PTK2: variants seen among roughly 807,000 people sequenced by gnomAD.
The protein encoded by PTK2 is focal adhesion kinase 1.
Under a neutral mutation model 150.1 loss-of-function variants are expected in PTK2, and 45 were observed. That is an observed-to-expected ratio of 0.30 (90% CI 0.24 to 0.38). The LOEUF is 0.38. PTK2 is among the 10% of genes least tolerant of loss of function. The probability of loss-of-function intolerance (pLI) is 1.00; values close to 1 mark genes in which losing one functional copy is unlikely to be tolerated. For missense variants in PTK2, 919 were observed against 1,307.3 expected, an observed-to-expected ratio of 0.70 and a Z score of 4.58; for synonymous variants, 432 against 449.2, an observed-to-expected ratio of 0.96 and a Z score of 0.48.
chr8:140,732,206 T>C (rs1201528269), intron 22 of PTK2, among the ~76,000 whole-genome samples: 1 of 152,222 alleles, frequency 6.6e-6, no homozygotes, highest in African/African-American at 2.4e-5. Flanking sequence ...TTATATTATA[T>C]AGTGACATTT....
chr8:140,901,548 T>C (rs999294305), intron 2 of PTK2, among the ~76,000 whole-genome samples: 8 of 151,958 alleles, frequency 5.3e-5, no homozygotes, highest in African/African-American at 7.2e-5. Flanking sequence ...ATAACCAGAA[T>C]CTATAAAGAG....
intron 5 of PTK2, among the ~76,000 whole-genome samples, chr8:140,860,058 C>G (rs527503570): frequency 1.3e-5 from 2 of 152,016 alleles, no homozygotes; most frequent in Non-Finnish European, 2.9e-5. Context: ...CCCACATAAA[C>G]GAAAATTATA....
intron 1 of PTK2, among the ~76,000 whole-genome samples, chr8:140,959,517 C>T (rs1260174478): frequency 8.9e-5 from 12 of 134,082 alleles, no homozygotes; most frequent in African/African-American, 3.1e-4. Context: ...CCAGCCTGGG[C>T]GACACAGCAA....
chr8:140,865,794 C>G (rs1335125634), intron 4 of PTK2, among the ~76,000 whole-genome samples: 4 of 152,080 alleles, frequency 2.6e-5, no homozygotes, highest in Non-Finnish European at 5.9e-5. Flanking sequence ...ATTTCTCTCT[C>G]TTTTTTTGAG....
exon 27 of PTK2, chr8:140,686,685 C>T (rs773615646): frequency 8.1e-6 from 13 of 1,613,562 alleles, no homozygotes; most frequent in Non-Finnish European, 1.0e-5. Flanking sequence ...GAGAGTCTCA[C>T]ATCAGGTTTC....
At chr8:140,911,018 C>T (rs2100162921) in intron 2 of PTK2, among the ~76,000 whole-genome samples, 1 of 151,788 alleles carries the variant, frequency 6.6e-6, no homozygotes, top group Non-Finnish European at 1.5e-5. Context: ...GCTGGAACTA[C>T]AAGTGTCGCA....
intron 24 of PTK2, 89 bp downstream of exon 27, chr8:140,706,030 A>C: frequency 9.3e-7 from 1 of 1,071,730 alleles, no homozygotes; most frequent in Non-Finnish European, 1.4e-6. Flanking sequence ...TCATAAGTAC[A>C]TAAATAAAAA....
chr8:140,795,737 C>A (rs185591490), intron 12 of PTK2, among the ~76,000 whole-genome samples: 1 of 152,200 alleles, frequency 6.6e-6, no homozygotes, highest in Non-Finnish European at 1.5e-5. Context: ...AGGAGCTCAA[C>A]AACTACATGT....
At chr8:140,873,504 C>T (rs776302376) in intron 4 of PTK2, among the ~76,000 whole-genome samples, 32 of 151,940 alleles carry the variant, frequency 2.1e-4, no homozygotes, top group Admixed American at 9.2e-4. Flanking sequence ...CTCGCTCTGT[C>T]GCCTAGGCTG....
At position 140,770,825 on chromosome 8, in the gene PTK2, G is replaced by A. The variant is rs749691779; in HGVS notation, c.1178-6535C>T. The A allele has an allele frequency of 9.6e-6, 11 of 1,142,974 alleles. No homozygotes were observed. The Middle Eastern group carries it at 1.1e-3, about 119-fold the overall frequency. 70.8% of individuals were successfully genotyped at this position (1,142,974 alleles called of 1,614,324 possible). On this transcript the variant is annotated intron_variant, in intron 14 of 31. Transcript: ENST00000522684. Reference sequence around the variant, plus strand: ...CTTTATAAAGAGGCAAGAGGGGAAAGAGAAAAATAGAAACAAATTATTTCA... The same window carrying A: ...CTTTATAAAGAGGCAAGAGGGGAAAAAGAAAAATAGAAACAAATTATTTCA...
chr8:140,678,409 T>C (rs1467495682), intron 27 of PTK2, among the ~76,000 whole-genome samples: 2 of 151,962 alleles, frequency 1.3e-5, no homozygotes, highest in African/African-American at 4.8e-5. Context: ...TGCTGTGGCA[T>C]GATCTTTGTT....
intron 3 of PTK2, among the ~76,000 whole-genome samples, chr8:140,881,006 T>C (rs1389781685): frequency 6.6e-6 from 1 of 151,974 alleles, no homozygotes; most frequent in Non-Finnish European, 1.5e-5. Context: ...GGAGTAAACA[T>C]GGTATCAAGA....
intron 7 of PTK2, among the ~76,000 whole-genome samples, chr8:140,836,775 T>C (rs1342314393): frequency 6.6e-6 from 1 of 152,126 alleles, no homozygotes; most frequent in Non-Finnish European, 1.5e-5. Flanking sequence ...CACAACAGAA[T>C]GCAGCTCACA....
At chr8:140,893,933 G>T (rs1378384326) in intron 2 of PTK2, among the ~76,000 whole-genome samples, 1 of 152,160 alleles carries the variant, frequency 6.6e-6, no homozygotes, top group Non-Finnish European at 1.5e-5. Flanking sequence ...TCTATAGTAT[G>T]TATAAAGGGG....
intron 2 of PTK2, among the ~76,000 whole-genome samples, chr8:140,902,647 C>T (rs2100158977): frequency 6.6e-6 from 1 of 152,196 alleles, no homozygotes; most frequent in Admixed American, 6.5e-5. Context: ...TTAATGATTG[C>T]CATTCTAACT....
chr8:140,804,466 T>C (rs1044639845), intron 10 of PTK2, among the ~76,000 whole-genome samples: 1 of 151,910 alleles, frequency 6.6e-6, no homozygotes, highest in African/African-American at 2.4e-5. Context: ...TCTGTGCCTG[T>C]AGACCCAGCT....
At chr8:140,876,808 T>C (rs2100145800) in intron 4 of PTK2, among the ~76,000 whole-genome samples, 1 of 152,136 alleles carries the variant, frequency 6.6e-6, no homozygotes, top group Admixed American at 6.5e-5. Context: ...ATTTTATCAA[T>C]CCTGTGATTT....
chr8:140,755,286 A>C (rs1201193957), intron 16 of PTK2, among the ~76,000 whole-genome samples: 1 of 152,172 alleles, frequency 6.6e-6, no homozygotes, highest in African/African-American at 2.4e-5. Flanking sequence ...AATCAGATAA[A>C]CTTCATGTTT....
chr8:140,827,534 G>GT (rs978869162), intron 8 of PTK2, among the ~76,000 whole-genome samples: 1 of 151,796 alleles, frequency 6.6e-6, no homozygotes, highest in Non-Finnish European at 1.5e-5. Context: ...GCAGAGGAGG[G>GT]TTTTTTTTAG....
Sources: gnomAD v4.1 joint callset for allele counts (sites outside exome capture counted in the v4.1 genomes callset) on GRCh38, gnomAD v4.1.1 for gene constraint, MANE v1.5 for transcripts, NCBI Gene and HGNC (gene_info 2026-07-23, HGNC 2026-07-21) for gene names.